MARK3: variants seen among roughly 807,000 people sequenced by gnomAD.
The protein encoded by MARK3 is MAP/microtubule affinity-regulating kinase 3.
In MARK3, 46 loss-of-function variants were observed where a neutral mutation model predicts 90.1. The ratio of observed to expected loss-of-function variants is 0.51; its 90% confidence interval spans 0.40 to 0.65. MARK3 has a LOEUF of 0.65. Ranked by LOEUF, MARK3 falls within the 30% of genes least tolerant of loss-of-function variation. MARK3 has a pLI of 0.00. For missense variants in MARK3, 818 were observed against 947.2 expected, an observed-to-expected ratio of 0.86 and a Z score of 1.79; for synonymous variants, 321 against 332.6, an observed-to-expected ratio of 0.97 and a Z score of 0.38.
At position 103,465,958 on chromosome 14, in the gene MARK3, G is replaced by C. The variant is rs142980698; in HGVS notation, c.778-14G>C. 6.2e-7 allele frequency: 1 copy of C among 1,609,652 alleles called. No homozygotes were observed. On this transcript the variant is annotated splice_polypyrimidine_tract_variant and intron_variant, in intron 8 of 17. Coordinates refer to ENST00000429436, the MANE Select transcript of MARK3 (RefSeq NM_001128918.3). ...TTGACTTACTCGTTTTCTTTCCTCTGTACCTCTCCAAAGGAACTGAGAGAG... is the reference window on the plus strand; with the variant it reads ...TTGACTTACTCGTTTTCTTTCCTCTCTACCTCTCCAAAGGAACTGAGAGAG...
At position 103,477,944 on chromosome 14, in the gene MARK3, A is replaced by T. The variant is rs116557040; in HGVS notation, c.1483-2443A>T. Among the ~76,000 whole-genome samples the T allele has an allele frequency of 6.2e-3, 943 of 151,008 alleles. 12 individuals carry two copies. Among genetic ancestry groups the T allele is most frequent in the African/African-American group, 0.022 (899 of 41,136 alleles). ...AGCCCAAGAGGTTGAGGCTGCAGTG[A>T]GTCATGGTCACATCACCATATTCCA... is the stretch of plus-strand genomic sequence containing the variant. On this transcript the variant is annotated intron_variant, in intron 13 of 17. Transcript: ENST00000429436.
At chr14:103,446,998 G>A (rs1424272743) in intron 3 of MARK3, among the ~76,000 whole-genome samples, 1 of 152,086 alleles carries the variant, frequency 6.6e-6, no homozygotes, top group Non-Finnish European at 1.5e-5. Context: ...ATAAAATGTA[G>A]GAATTACCAC....
chr14:103,427,173 TTTTC>T (rs1315527604), intron 2 of MARK3, among the ~76,000 whole-genome samples: 5 of 151,260 alleles, frequency 3.3e-5, no homozygotes, highest in Non-Finnish European at 5.9e-5. Context: ...TCTTTTTTTT[TTTTC>T]TTTTAAGTGA....
At chr14:103,412,803 G>T in intron 2 of MARK3, 1 of 395,140 alleles carries the variant, frequency 2.5e-6, no homozygotes. Flanking sequence ...GGTTTAGTTG[G>T]TTTTATAAAT....
At chr14:103,449,412 CAAAAA>C (rs34657716) in intron 4 of MARK3, among the ~76,000 whole-genome samples, 4 of 83,988 alleles carry the variant, frequency 4.8e-5, no homozygotes, top group African/African-American at 1.4e-4. Flanking sequence ...CCCGTCTCTC[CAAAAA>C]AAAAAAAAAA....
At chr14:103,465,023 A>C (rs1217420194) in intron 7 of MARK3, among the ~76,000 whole-genome samples, 1 of 152,158 alleles carries the variant, frequency 6.6e-6, no homozygotes, top group Non-Finnish European at 1.5e-5. Flanking sequence ...GCTGGAGTGC[A>C]GTGGCACGAT....
chr14:103,421,880 T>C (rs2092236061), intron 2 of MARK3, among the ~76,000 whole-genome samples: 1 of 152,190 alleles, frequency 6.6e-6, no homozygotes, highest in African/African-American at 2.4e-5. Flanking sequence ...ATTATGGTTA[T>C]GAAAATAACT....
intron 15 of MARK3, among the ~76,000 whole-genome samples, chr14:103,492,572 G>GT (rs2142026793): frequency 6.6e-6 from 1 of 152,266 alleles, no homozygotes; most frequent in South Asian, 2.1e-4. Flanking sequence ...AAATGGTATA[G>GT]TTTTGGAGAT....
At chr14:103,466,776 G>A (rs538183478) in intron 10 of MARK3, among the ~76,000 whole-genome samples, 8 of 152,222 alleles carry the variant, frequency 5.3e-5, no homozygotes, top group East Asian at 3.9e-4. Context: ...AGGCCAAGGC[G>A]GGCAGATCAC....
intron 1 of MARK3, chr14:103,386,431 G>A (rs779699672): frequency 1.7e-6 from 1 of 587,228 alleles, no homozygotes; most frequent in South Asian, 1.5e-5. Flanking sequence ...TATTTTAGCC[G>A]AACTCTGCTT....
intron 15 of MARK3, among the ~76,000 whole-genome samples, chr14:103,493,490 C>T (rs1219665515): frequency 6.6e-6 from 1 of 152,026 alleles, no homozygotes. Flanking sequence ...AGCCAAAGAG[C>T]TTTGCCAGGT....
chr14:103,491,099 C>G, intron 14 of MARK3: 1 of 1,260,850 alleles, frequency 7.9e-7, no homozygotes, highest in Non-Finnish European at 1.0e-6. Context: ...GAGATAACTT[C>G]AAGGCTATGT....
Position 103,491,813 on chromosome 14 carries a change from A to T in MARK3, c.1623A>T (p.Thr541=). Reference sequence around the variant, plus strand: ...ATCAGAGAACTCCAGTTGCTTCAACACACAGTATCAGTAGTGCAGCCACCC... The same window carrying T: ...ATCAGAGAACTCCAGTTGCTTCAACTCACAGTATCAGTAGTGCAGCCACCC... ...IPDQRTPVAS[T]HSISSAATPD... Residue 541 remains threonine, a synonymous_variant, in exon 15 of 18, where the codon ACA becomes ACT. Transcript: ENST00000429436. The T allele has an allele frequency of 6.2e-7, 1 of 1,614,180 alleles. No homozygotes were observed. The highest frequency in any genetic ancestry group is 8.5e-7 in the Non-Finnish European group (1 of 1,180,026).
chr14:103,417,270 TGAG>T (rs35925467), intron 2 of MARK3: 39,076 of 151,806 alleles, frequency 0.26, 6,206 homozygotes, highest in Middle Eastern at 0.44. Context: ...ACTAAGAACT[TGAG>T]GAGGAAGACT....
At chr14:103,435,922 C>T (rs912276387) in intron 3 of MARK3, among the ~76,000 whole-genome samples, 8 of 150,718 alleles carry the variant, frequency 5.3e-5, no homozygotes, top group Non-Finnish European at 1.5e-5. Flanking sequence ...ACGGAGTCTC[C>T]CTCTGTTGGC....
At chr14:103,436,948 C>T (rs1287196766) in intron 3 of MARK3, among the ~76,000 whole-genome samples, 2 of 152,056 alleles carry the variant, frequency 1.3e-5, no homozygotes, top group African/African-American at 2.4e-5. Context: ...AAAAAATTAG[C>T]CAGGTGTGGT....
chr14:103,386,199 G>C (rs1244318422), intron 1 of MARK3, 119 bp downstream of exon 1: 2 of 987,414 alleles, frequency 2.0e-6, no homozygotes, highest in Non-Finnish European at 3.3e-6. Context: ...AGGGCAGGCC[G>C]TAGTCACCCA....
At chr14:103,488,876 G>A (rs931752687) in intron 14 of MARK3, among the ~76,000 whole-genome samples, 2 of 152,176 alleles carry the variant, frequency 1.3e-5, no homozygotes, top group Admixed American at 1.3e-4. Context: ...TTAATTCAGG[G>A]ACAAGCAGTT....
chr14:103,499,421 C>T (rs2075531930), intron 16 of MARK3: 1 of 152,236 alleles, frequency 6.6e-6, no homozygotes, highest in Non-Finnish European at 1.5e-5. Context: ...GATCATGCCA[C>T]TGTGCTCCAG....
Sources: gnomAD v4.1 joint callset for allele counts (sites outside exome capture counted in the v4.1 genomes callset) on GRCh38, gnomAD v4.1.1 for gene constraint, MANE v1.5 for transcripts, NCBI Gene and HGNC (gene_info 2026-07-23, HGNC 2026-07-21) for gene names.